Variants in DLGAP5 observed in about 807,000 individuals in gnomAD.
DLGAP5 encodes DLG associated protein 5, also known as disks large-associated protein 5.
DLGAP5 carries 90 observed loss-of-function variants against 99.6 expected under a neutral mutation model. That is an observed-to-expected ratio of 0.90 (90% CI 0.76 to 1.08). DLGAP5 has a LOEUF of 1.08. Ranked by LOEUF, DLGAP5 falls within the 50% of genes least tolerant of loss-of-function variation. The probability of loss-of-function intolerance (pLI) is 0.00; values close to 1 mark genes in which losing one functional copy is unlikely to be tolerated. For missense variants in DLGAP5, 1,036 were observed against 983.5 expected, an observed-to-expected ratio of 1.05 and a Z score of -0.71; for synonymous variants, 311 against 321.3, an observed-to-expected ratio of 0.97 and a Z score of 0.34.
intron 18 of DLGAP5, 151 bp from the exon 19 acceptor site, chr14:55,148,624 TG>T (rs1566785751): frequency 6.6e-7 from 1 of 1,516,000 alleles, no homozygotes; most frequent in Admixed American, 2.0e-5. Flanking sequence ...GAGGCTGAGG[TG>T]GTAGGATCAC....
intron 11 of DLGAP5, among the ~76,000 whole-genome samples, chr14:55,169,933 G>A (rs929993611): frequency 1.3e-5 from 2 of 152,050 alleles, no homozygotes; most frequent in African/African-American, 2.4e-5. Flanking sequence ...TCAGGAGTTC[G>A]AGACCAGCCT....
At chr14:55,180,445 A>T (rs1025992081) in intron 6 of DLGAP5, among the ~76,000 whole-genome samples, 1 of 152,212 alleles carries the variant, frequency 6.6e-6, no homozygotes, top group African/African-American at 2.4e-5. Context: ...TTCACTTTGA[A>T]ACACTGCTTA....
chr14:55,148,176 T>C lies in DLGAP5; in HGVS notation c.*175A>G, dbSNP rs561469850. ...TTCTGTGTTGAAAATGTACAAAATATCCCCACTTCCCTTGAGAAAGAGTAT... is the reference window on the plus strand; with the variant it reads ...TTCTGTGTTGAAAATGTACAAAATACCCCCACTTCCCTTGAGAAAGAGTAT... On this transcript the variant is annotated 3_prime_UTR_variant, in exon 19 of 19. Coordinates refer to ENST00000247191, the MANE Select transcript of DLGAP5 (RefSeq NM_014750.5). 26 of 648,724 alleles carry C rather than the reference T, an allele frequency of 4.0e-5. No individual in the cohort carries two copies. The highest frequency in any genetic ancestry group is 6.0e-5 in the Non-Finnish European group (24 of 400,002). 40.2% of individuals were successfully genotyped at this position (648,724 alleles called of 1,614,324 possible). A position where few individuals can be genotyped will look rare whatever the true frequency, so the allele number is the denominator to read the frequency against.
intron 12 of DLGAP5, among the ~76,000 whole-genome samples, chr14:55,164,812 T>C (rs1324793613): frequency 7.3e-5 from 11 of 151,232 alleles, no homozygotes; most frequent in Admixed American, 2.0e-4. Flanking sequence ...ATCCCAGCTA[T>C]TCGGGAGGCT....
At chr14:55,153,916 C>T (rs1026321000) in intron 15 of DLGAP5, among the ~76,000 whole-genome samples, 3 of 152,064 alleles carry the variant, frequency 2.0e-5, no homozygotes, top group Non-Finnish European at 4.4e-5. Flanking sequence ...ATTAGCTGGG[C>T]GTGGTGGCGC....
chr14:55,149,976 C>T (rs1346863257), intron 18 of DLGAP5, among the ~76,000 whole-genome samples: 1 of 151,682 alleles, frequency 6.6e-6, no homozygotes, highest in African/African-American at 2.4e-5. Context: ...TCGCTTGAAC[C>T]CAGGAGGCAG....
intron 12 of DLGAP5, among the ~76,000 whole-genome samples, chr14:55,165,672 A>G (rs1403787697): frequency 6.6e-6 from 1 of 152,172 alleles, no homozygotes; most frequent in East Asian, 1.9e-4. Flanking sequence ...ACTGAACCCT[A>G]TATATATGTT....
chr14:55,160,033 G>A (rs1882361883), intron 13 of DLGAP5, among the ~76,000 whole-genome samples: 1 of 151,786 alleles, frequency 6.6e-6, no homozygotes, highest in African/African-American at 2.4e-5. Flanking sequence ...AGAAACACCA[G>A]CTCCACTAAA....
Position 55,168,560 on chromosome 14 carries a change from C to T in DLGAP5, c.1548+839G>A, listed in dbSNP as rs181748449. The stretch of plus-strand genomic sequence containing the variant: ...GCTTATTTCTAAAATAAGTTCAAAA[C>T]GCTAGAGTCATCTTCCCCCATACCT... On this transcript the variant is annotated intron_variant, in intron 12 of 18. Coordinates refer to ENST00000247191, the MANE Select transcript of DLGAP5 (RefSeq NM_014750.5). Among the ~76,000 whole-genome samples the T allele has an allele frequency of 1.5e-3, 217 of 148,886 alleles. 1 individual carries two copies. Among genetic ancestry groups the T allele is most frequent in the African/African-American group, 5.4e-3 (207 of 38,444 alleles).
In DLGAP5 at chr14:55,188,957, T is replaced by G; in HGVS notation, c.223A>C (p.Thr75Pro). Residue 75 changes from threonine to proline, a missense_variant, in exon 2 of 19, where the codon ACC (threonine) becomes CCC (proline). Physicochemically the swap from Thr to Pro is conservative, Grantham distance 38. Transcript: ENST00000247191. ...ETSQGLVPEK[T>P]NVKPRAMKTI... ...CTTTACTTACTTGGCTTAACATTGG[T>G]CTTTTCTGGAACAAGCCCTTGAGAT... 6.2e-7 allele frequency: 1 copy of G among 1,612,974 alleles called. No homozygotes were observed. The highest frequency in any genetic ancestry group is 8.5e-7 in the Non-Finnish European group (1 of 1,179,718).
chr14:55,150,832 T>C lies in DLGAP5; in HGVS notation c.2385A>G (p.Lys795=). 6.3e-7 allele frequency: 1 copy of C among 1,585,412 alleles called. No homozygotes were observed. Among genetic ancestry groups the C allele is most frequent in the Admixed American group, 1.9e-5 (1 of 52,370 alleles). Reference sequence around the variant, plus strand: ...GAAGGTGGCATTCAGTAGTGAGACTTTTATTATCAAATAGTTCTGAAAAAC... The same window carrying C: ...GAAGGTGGCATTCAGTAGTGAGACTCTTATTATCAAATAGTTCTGAAAAAC... ...KISQSELFDN[K]SLTTECHLLD... The change falls in exon 18 of 19, where the codon AAA becomes AAG. Residue 795 remains lysine (K), a synonymous_variant. Transcript: ENST00000247191.
intron 7 of DLGAP5, among the ~76,000 whole-genome samples, chr14:55,178,433 T>G (rs76074907): frequency 0.058 from 8,805 of 152,320 alleles, 323 homozygotes; most frequent in South Asian, 0.09. Context: ...AAAGCATATT[T>G]ACTATTTCAA....
chr14:55,158,402 C>T, intron 14 of DLGAP5, 120 bp downstream of exon 14: 1 of 784,430 alleles, frequency 1.3e-6, no homozygotes, highest in South Asian at 1.9e-5. Flanking sequence ...CACAGAAAAA[C>T]TTATGTCTCT....
intron 15 of DLGAP5, 114 bp from the exon 16 acceptor site, chr14:55,152,761 G>C (rs1882063707): frequency 1.2e-6 from 1 of 842,616 alleles, no homozygotes; most frequent in Non-Finnish European, 1.7e-6. Flanking sequence ...ATCAAACATG[G>C]AGCCTGGTGC....
chr14:55,164,416 A>G (rs1882560546), intron 12 of DLGAP5, among the ~76,000 whole-genome samples: 1 of 152,232 alleles, frequency 6.6e-6, no homozygotes. Context: ...TCTTTTCAAC[A>G]AACAGTGCTG....
chr14:55,154,763 T>C lies in DLGAP5; in HGVS notation c.1917A>G (p.Thr639=), dbSNP rs1195727884. The change falls in exon 15 of 19, where the codon ACA becomes ACG. Residue 639 remains threonine (T), a synonymous_variant. Transcript: ENST00000247191. ...ATACAGCTTTGTTGACAGACTTAGG[T>C]GTTCCAAGTCTTTGAGAAGGGCCTT... ...SSEGPSQRLG[T]PKSVNKAVSQ... 10 of 1,614,026 alleles carry C rather than the reference T, an allele frequency of 6.2e-6. No homozygotes were observed. The highest frequency in any genetic ancestry group is 8.5e-6 in the Non-Finnish European group (10 of 1,180,022).
At chr14:55,177,870 C>A (rs1326741543) in intron 7 of DLGAP5, among the ~76,000 whole-genome samples, 1 of 151,768 alleles carries the variant, frequency 6.6e-6, no homozygotes, top group Non-Finnish European at 1.5e-5. Context: ...TAACTAATAC[C>A]TTTTGGGTAT....
intron 8 of DLGAP5, 30 bp downstream of exon 8, chr14:55,177,032 A>T (rs1883091499): frequency 1.5e-6 from 2 of 1,304,216 alleles, no homozygotes; most frequent in African/African-American, 3.1e-5. Flanking sequence ...CATCTTAGCA[A>T]GAGACTTATT....
At chr14:55,152,963 AAAG>A (rs1882069645) in intron 15 of DLGAP5, among the ~76,000 whole-genome samples, 1 of 152,196 alleles carries the variant, frequency 6.6e-6, no homozygotes, top group African/African-American at 2.4e-5. Flanking sequence ...GAAAAGTCAA[AAAG>A]AAGGTGACTT....
Sources: allele counts gnomAD v4.1 joint callset (sites outside exome capture counted in the v4.1 genomes callset), GRCh38; gene constraint gnomAD v4.1.1; transcripts MANE v1.5; gene names NCBI Gene and HGNC (gene_info 2026-07-23, HGNC 2026-07-21).